The following TNFAIP3 variants were observed in gnomAD, a reference collection of about 807,000 sequenced individuals.
TNFAIP3 encodes the protein tumor necrosis factor alpha-induced protein 3.
A neutral mutation model predicts 72.4 loss-of-function variants in TNFAIP3; 9 were observed. The ratio of observed to expected loss-of-function variants is 0.12; its 90% confidence interval spans 0.07 to 0.22. The LOEUF (loss-of-function observed/expected upper bound fraction) is 0.22. TNFAIP3 is among the 10% of genes least tolerant of loss of function. TNFAIP3 has a pLI of 1.00. For missense variants in TNFAIP3, 833 were observed against 1,018.7 expected (o/e 0.82, Z 2.48); for synonymous variants, 339 against 372.6 (o/e 0.91, Z 1.04).
In TNFAIP3 at chr6:137,871,848, G is replaced by A. The variant is rs545114508; in HGVS notation, c.295+326G>A. Among the ~76,000 whole-genome samples, 11 of 152,182 alleles carry A rather than the reference G, an allele frequency of 7.2e-5. No homozygotes were observed. The South Asian group carries it at 8.3e-4, about 11-fold the overall frequency. Reference sequence around the variant, plus strand: ...ATCATCTGTAAAATACCCTTCTCTGGCCCGTAATGGAAATGTTAAAAGCCT... The same window carrying A: ...ATCATCTGTAAAATACCCTTCTCTGACCCGTAATGGAAATGTTAAAAGCCT... On this transcript the variant is annotated intron_variant, in intron 2 of 8. Transcript: ENST00000612899. The surrounding 1 kb of genome is among the most constrained non-coding windows in gnomAD (Gnocchi z 4.2).
chr6:137,870,762 T>A (rs1297897455), intron 1 of TNFAIP3, among the ~76,000 whole-genome samples: 1 of 152,196 alleles, frequency 6.6e-6, no homozygotes, highest in Non-Finnish European at 1.5e-5. Flanking sequence ...GGTGGTGGTC[T>A]GAGGGGAGGA....
Position 137,882,600 on chromosome 6 carries a change from T to C in TNFAIP3, c.*1281T>C, listed in dbSNP as rs1001807889. 2 of 232,768 alleles carry C rather than the reference T, an allele frequency of 8.6e-6. No individual in the cohort carries two copies. The highest frequency in any genetic ancestry group is 1.7e-5 in the Non-Finnish European group (2 of 117,726). The allele number at this position is 232,768 out of a possible 1,614,324, so 14.4% of individuals were successfully genotyped here. ...ATACTCTGTGTTCTGTTAATGCCTC[T>C]GAGTGTCCTACCTCCTTGGAGATGA... On this transcript the variant is annotated 3_prime_UTR_variant, in exon 9 of 9. Coordinates refer to ENST00000612899, the MANE Select transcript of TNFAIP3 (RefSeq NM_001270508.2).
At chr6:137,869,307 C>T (rs917396713) in intron 1 of TNFAIP3, among the ~76,000 whole-genome samples, 1 of 150,964 alleles carries the variant, frequency 6.6e-6, no homozygotes, top group Non-Finnish European at 1.5e-5. Flanking sequence ...TCAGGTAGTG[C>T]TTGTTGGGTG....
At position 137,882,709 on chromosome 6, in the gene TNFAIP3, C is replaced by T. The variant is rs1392156828; in HGVS notation, c.*1390C>T. 8.6e-6 allele frequency: 2 copies of T among 232,708 alleles called. No homozygotes were observed. The highest frequency in any genetic ancestry group is 8.5e-6 in the Non-Finnish European group (1 of 117,704). The allele number at this position is 232,708 out of a possible 1,614,324, so 14.4% of individuals were successfully genotyped here. On this transcript the variant is annotated 3_prime_UTR_variant, in exon 9 of 9. Coordinates refer to ENST00000612899, the MANE Select transcript of TNFAIP3 (RefSeq NM_001270508.2). ...GTGATGGTTTTATTTTCTGTTAACACTGTGTCCTGGGGGGGCTGGGAAGTC... is the reference window on the plus strand; with the variant it reads ...GTGATGGTTTTATTTTCTGTTAACATTGTGTCCTGGGGGGGCTGGGAAGTC...
At position 137,881,959 on chromosome 6, in the gene TNFAIP3, C is replaced by A. The variant is rs531267718; in HGVS notation, c.*640C>A. 2.4e-4 allele frequency: 56 copies of A among 231,922 alleles called. No homozygotes were observed. The highest frequency in any genetic ancestry group is 1.1e-3 in the African/African-American group (50 of 45,362). The allele number at this position is 231,922 out of a possible 1,614,324, so 14.4% of individuals were successfully genotyped here. ...AGGCTGCTGAGACTGAACATGTTCA[C>A]ATTGACAGAAAAACAAGCTGCTCTT... On this transcript the variant is annotated 3_prime_UTR_variant, in exon 9 of 9. Coordinates refer to ENST00000612899, the MANE Select transcript of TNFAIP3 (RefSeq NM_001270508.2). This position sits in a 1 kb window ranked among gnomAD's most constrained non-coding sequence, Gnocchi z 5.0.
intron 2 of TNFAIP3, among the ~76,000 whole-genome samples, chr6:137,873,947 C>T (rs1776144777): frequency 6.6e-6 from 1 of 152,030 alleles, no homozygotes; most frequent in Non-Finnish European, 1.5e-5. Flanking sequence ...TTTGCACTTG[C>T]CAAAGGAGAT....
At position 137,871,397 on chromosome 6, in the gene TNFAIP3, G is replaced by T; in HGVS notation, c.170G>T (p.Cys57Phe). ...TLEMFRTCQF[C>F]PQFREIIHKA... is the part of the protein sequence containing the mutation. The stretch of plus-strand genomic sequence containing the variant: ...GAAATGTTCAGAACTTGCCAGTTTT[G>T]TCCTCAGTTTCGGGAGATCATCCAC... The change falls in exon 2 of 9, where the codon TGT becomes TTT. Residue 57 changes from cysteine to phenylalanine, a missense_variant. Around this residue, in one of 2 missense-constraint regions of TNFAIP3, gnomAD observed 246 missense variants for 360.9 expected, o/e 0.68. Coordinates refer to ENST00000612899, the MANE Select transcript of TNFAIP3 (RefSeq NM_001270508.2). This position sits in a 1 kb window ranked among gnomAD's most constrained non-coding sequence, Gnocchi z 4.2. 6.2e-7 allele frequency: 1 copy of T among 1,614,124 alleles called. No individual in the cohort carries two copies. Among genetic ancestry groups the T allele is most frequent in the South Asian group, 1.1e-5 (1 of 91,076 alleles).
In TNFAIP3 at chr6:137,877,250, C is replaced by G. The variant is rs1210641937; in HGVS notation, c.980C>G (p.Ala327Gly). The G allele has an allele frequency of 6.2e-7, 1 of 1,606,098 alleles. No homozygotes were observed. Among genetic ancestry groups the G allele is most frequent in the South Asian group, 1.1e-5 (1 of 89,622 alleles). ...WDHGTTHLIN[A>G]AKLDEANLPK... is the part of the protein sequence containing the mutation. The stretch of plus-strand genomic sequence containing the variant: ...CATGGCACAACTCATCTCATCAATG[C>G]CGCAAAGTAAGCAGTTTATGTTCAG... Residue 327 changes from alanine to glycine, a missense_variant, in exon 6 of 9, where the codon GCC becomes GGC. Around this residue, in one of 2 missense-constraint regions of TNFAIP3, gnomAD observed 587 missense variants for 657.8 expected, o/e 0.89. Coordinates refer to ENST00000612899, the MANE Select transcript of TNFAIP3 (RefSeq NM_001270508.2).
In TNFAIP3 at chr6:137,876,127, C is replaced by T. The variant is rs868838378; in HGVS notation, c.766C>T (p.His256Tyr). 6.2e-7 allele frequency: 1 copy of T among 1,614,132 alleles called. No individual in the cohort carries two copies. Among genetic ancestry groups the T allele is most frequent in the Non-Finnish European group, 8.5e-7 (1 of 1,179,980 alleles). The change falls in exon 5 of 9, where the codon CAT becomes TAT. Residue 256 changes from histidine (H) to tyrosine (Y), a missense_variant. His to Tyr is a moderately conservative substitution (Grantham distance 83, BLOSUM62 2). Coordinates refer to ENST00000612899, the MANE Select transcript of TNFAIP3 (RefSeq NM_001270508.2). Reference protein sequence around the residue: ...YPIVLGYDSHHFVPLVTLKDS... With the variant: ...YPIVLGYDSHYFVPLVTLKDS... ...CATTGTTCTCGGCTATGACAGCCAT[C>T]ATTTTGTACCCTTGGTGACCCTGAA...
Position 137,878,589 on chromosome 6 carries a change from C to A in TNFAIP3, c.1144C>A (p.Leu382Ile). ...PMEPSVPQLS[L>I]MDVKCETPNC... ...GGAACCTTCCGTGCCCCAGCTTTCT[C>A]TCATGGATGTAAAATGTGAAACGCC... Residue 382 changes from leucine (L) to isoleucine (I), a missense_variant, in exon 7 of 9, where the codon CTC (leucine) becomes ATC (isoleucine). Physicochemically the swap from Leu to Ile is conservative, Grantham distance 5. Transcript: ENST00000612899. 1 of 1,614,256 alleles carries A rather than the reference C, an allele frequency of 6.2e-7. No homozygotes were observed. Among genetic ancestry groups the A allele is most frequent in the Non-Finnish European group, 8.5e-7 (1 of 1,180,044 alleles).
At chr6:137,873,819 T>G (rs1474288164) in intron 2 of TNFAIP3, among the ~76,000 whole-genome samples, 1 of 152,170 alleles carries the variant, frequency 6.6e-6, no homozygotes, top group Non-Finnish European at 1.5e-5. Context: ...TATTTGAGGG[T>G]TTTTTGGTTT....
intron 7 of TNFAIP3, 135 bp downstream of exon 7, chr6:137,879,486 G>T: frequency 9.2e-7 from 1 of 1,085,716 alleles, no homozygotes; most frequent in South Asian, 1.6e-5. Context: ...CTACCAGCTT[G>T]TGCAGGGGAC....
intron 3 of TNFAIP3, among the ~76,000 whole-genome samples, chr6:137,875,381 C>T (rs913595538): frequency 6.6e-6 from 1 of 152,130 alleles, no homozygotes; most frequent in Non-Finnish European, 1.5e-5. Flanking sequence ...TCCTCAGTCA[C>T]AAGTTTGGAA....
In TNFAIP3 at chr6:137,881,213, AC is replaced by A; in HGVS notation, c.2274del (p.Lys759SerfsTer57). On this transcript the variant is annotated frameshift_variant, in exon 9 of 9. Transcript: ENST00000612899. LOFTEE classifies it high-confidence loss of function. The surrounding 1 kb of genome is among the most constrained non-coding windows in gnomAD (Gnocchi z 5.0). ...CACCGGGGTGAGCCTGCCCCCGAAG[AC>A]CCCCCCAAGCAGCGTTGCCGGGCCC... Reference protein sequence around the residue: ...GAHRGEPAPEDPPKQRCRAPA... With the variant: ...GAHRGEPAPEXPPKQRCRAPA... 1 of 1,598,182 alleles carries A rather than the reference AC, an allele frequency of 6.3e-7. No homozygotes were observed. Among genetic ancestry groups the A allele is most frequent in the Non-Finnish European group, 8.6e-7 (1 of 1,168,292 alleles).
chr6:137,869,673 CAACACCTTATCAATGGTGTT>C (rs1322782533), intron 1 of TNFAIP3, among the ~76,000 whole-genome samples: 1 of 152,140 alleles, frequency 6.6e-6, no homozygotes, highest in African/African-American at 2.4e-5. Context: ...AGAATTATCT[CAACACCTTATCAATGGTGTT>C]GAGAGTCTAG....
intron 3 of TNFAIP3, 45 bp downstream of exon 3, chr6:137,875,080 G>T: frequency 6.2e-7 from 1 of 1,608,292 alleles, no homozygotes; most frequent in Non-Finnish European, 8.5e-7. Context: ...CTCCATGGTG[G>T]GCATAGGGTA....
chr6:137,871,551 G>A lies in TNFAIP3; in HGVS notation c.295+29G>A, dbSNP rs201764774. 1 of 1,604,344 alleles carries A rather than the reference G, an allele frequency of 6.2e-7. No individual in the cohort carries two copies. The highest frequency in any genetic ancestry group is 1.1e-5 in the South Asian group (1 of 90,410). On this transcript the variant is annotated intron_variant, in intron 2 of 8. Coordinates refer to ENST00000612899, the MANE Select transcript of TNFAIP3 (RefSeq NM_001270508.2). This position sits in a 1 kb window ranked among gnomAD's most constrained non-coding sequence, Gnocchi z 4.2. ...AGACTTGTTCTGTTGTGTTTCTTTTGCCTGGGTGATAGCTCCCGCCTGCTG... is the reference window on the plus strand; with the variant it reads ...AGACTTGTTCTGTTGTGTTTCTTTTACCTGGGTGATAGCTCCCGCCTGCTG...
Position 137,879,251 on chromosome 6 carries a change from G to T in TNFAIP3, c.1806G>T (p.Thr602=), listed in dbSNP as rs763705477. ...CTGCACGGACTCCTGGGGACAGGAC[G>T]GGGACGAGCAAGTGCAGAAAAGCCG... ...SQAARTPGDR[T]GTSKCRKAGC... The change falls in exon 7 of 9, where the codon ACG becomes ACT. Residue 602 remains threonine, a synonymous_variant. Transcript: ENST00000612899. 1.9e-6 allele frequency: 3 copies of T among 1,614,080 alleles called. No individual in the cohort carries two copies. The highest frequency in any genetic ancestry group is 1.7e-6 in the Non-Finnish European group (2 of 1,180,048).
At position 137,874,975 on chromosome 6, in the gene TNFAIP3, G is replaced by T; in HGVS notation, c.426G>T (p.Trp142Cys). ...ETDTRNFKFR[W>C]QLESLKSQEF... ...ACACACGCAACTTTAAATTCCGCTGGCAACTGGAGTCTCTCAAATCTCAGG... is the reference window on the plus strand; with the variant it reads ...ACACACGCAACTTTAAATTCCGCTGTCAACTGGAGTCTCTCAAATCTCAGG... The change falls in exon 3 of 9, where the codon TGG (tryptophan) becomes TGT (cysteine). Residue 142 changes from tryptophan (W) to cysteine (C), a missense_variant. Physicochemically the swap from Trp to Cys is radical, Grantham distance 215 (BLOSUM62 -2). Transcript: ENST00000612899. 1.9e-6 allele frequency: 3 copies of T among 1,614,204 alleles called. No homozygotes were observed. Among genetic ancestry groups the T allele is most frequent in the Non-Finnish European group, 2.5e-6 (3 of 1,180,036 alleles).
Sources: allele counts gnomAD v4.1 joint callset (sites outside exome capture counted in the v4.1 genomes callset), GRCh38; gene constraint gnomAD v4.1.1; regional missense constraint gnomAD v4.1.1; non-coding constraint Gnocchi (gnomAD v3.1); transcripts MANE v1.5; gene names NCBI Gene and HGNC (gene_info 2026-07-23, HGNC 2026-07-21).